The following KIF1A variants were observed in gnomAD, a reference collection of about 807,000 sequenced individuals.
KIF1A encodes the protein kinesin-like protein KIF1A.
In KIF1A, 46 loss-of-function variants were observed where a neutral mutation model predicts 227.3. The ratio of observed to expected loss-of-function variants is 0.20; its 90% CI spans 0.16 to 0.26. The LOEUF is 0.26. KIF1A is among the 10% of genes least tolerant of loss of function. The pLI, the probability that KIF1A is intolerant of heterozygous loss-of-function variation, is 1.00. For synonymous variants in KIF1A, 1,022 were observed against 1,012.8 expected (o/e 1.01, Z -0.17); for missense variants, 1,683 against 2,485.9 (o/e 0.68, Z 6.87).
At chr2:240,742,639 G>A (rs538181901) in intron 34 of KIF1A, among the ~76,000 whole-genome samples, 85 of 152,104 alleles carry the variant, frequency 5.6e-4, no homozygotes, top group Non-Finnish European at 9.9e-4. Flanking sequence ...ACCTCTCTGC[G>A]TTCAGCTGAG....
chr2:240,719,046 G>C lies in KIF1A; in HGVS notation c.5174C>G (p.Ala1725Gly). Residue 1725 changes from alanine to glycine, a missense_variant, in exon 47 of 49, where the codon GCC becomes GGC. Physicochemically the swap from Ala to Gly is moderately conservative, Grantham distance 60. Transcript: ENST00000498729. Reference sequence around the variant, plus strand: ...CTGGTCCTCACTGTACTCCACCTGGGCAGTGGCCAGGTTGAGCACGAACCG... The same window carrying C: ...CTGGTCCTCACTGTACTCCACCTGGCCAGTGGCCAGGTTGAGCACGAACCG... Reference protein sequence around the residue: ...VERFVLNLATAQVEYSEDQQA... With the variant: ...VERFVLNLATGQVEYSEDQQA... 6.2e-7 allele frequency: 1 copy of C among 1,612,214 alleles called. No individual in the cohort carries two copies. Among genetic ancestry groups the C allele is most frequent in the African/African-American group, 1.3e-5 (1 of 75,034 alleles).
Position 240,722,464 on chromosome 2 carries a change from C to T in KIF1A, c.4657G>A (p.Ala1553Thr). 1 of 1,546,336 alleles carries T rather than the reference C, an allele frequency of 6.5e-7. No homozygotes were observed. The highest frequency in any genetic ancestry group is 2.4e-5 in the East Asian group (1 of 40,992). Residue 1553 changes from alanine (A) to threonine (T), a missense_variant, in exon 43 of 49, where the codon GCC (alanine) becomes ACC (threonine). Ala to Thr is a moderately conservative substitution (Grantham distance 58). Coordinates refer to ENST00000498729, the MANE Select transcript of KIF1A (RefSeq NM_001244008.2). ...EAPNERQREL[A>T]VKCLRLLTHT... ...CCACCAGCTGGACCCACCTTGACGGCCAGCTCCCGCTGCCTCTCGTTGGGA... is the reference window on the plus strand; with the variant it reads ...CCACCAGCTGGACCCACCTTGACGGTCAGCTCCCGCTGCCTCTCGTTGGGA...
In KIF1A at chr2:240,792,958, G is replaced by A. The variant is rs1369976099; in HGVS notation, c.107-3646C>T. Among the ~76,000 whole-genome samples the A allele has an allele frequency of 6.6e-6, 1 of 152,204 alleles. No individual in the cohort carries two copies. Among genetic ancestry groups the A allele is most frequent in the Non-Finnish European group, 1.5e-5 (1 of 68,042 alleles). The stretch of plus-strand genomic sequence containing the variant: ...CTTCCGCCTCCAGACTGCGGAGAAG[G>A]GAACATATGCTGTTTAAGACGCCCA... On this transcript the variant is annotated intron_variant, in intron 2 of 48. Transcript: ENST00000498729. The surrounding 1 kb of genome is among the most constrained non-coding windows in gnomAD (Gnocchi z 4.5).
At chr2:240,747,201 C>T in intron 29 of KIF1A, 35 bp downstream of exon 29, 1 of 1,546,932 alleles carries the variant, frequency 6.5e-7, no homozygotes, top group East Asian at 2.2e-5. Flanking sequence ...GCGCCAGGCA[C>T]CTCCAGGTCT....
In KIF1A at chr2:240,752,134, C is replaced by T. The variant is rs1386927121; in HGVS notation, c.2859-1587G>A. 1.3e-5 allele frequency among the ~76,000 whole-genome samples: 2 copies of T among 151,842 alleles called. No individual in the cohort carries two copies. Among genetic ancestry groups the T allele is most frequent in the African/African-American group, 4.8e-5 (2 of 41,332 alleles). On this transcript the variant is annotated intron_variant, in intron 27 of 48. Coordinates refer to ENST00000498729, the MANE Select transcript of KIF1A (RefSeq NM_001244008.2). The surrounding 1 kb of genome is among the most constrained non-coding windows in gnomAD (Gnocchi z 6.4). ...GGAAGCCCCTGGTGGCTTTTTGGGC[C>T]CTCTCCCCAGCACAACGCCCCCTCT... is the stretch of plus-strand genomic sequence containing the variant.
intron 47 of KIF1A, 111 bp downstream of exon 47, chr2:240,718,895 G>A (rs952490090): frequency 1.6e-5 from 14 of 851,252 alleles, no homozygotes; most frequent in Middle Eastern, 3.5e-4. Context: ...GACGGAGTCT[G>A]GGGTGAGCAG....
At chr2:240,783,305 G>A (rs1420977330) in intron 8 of KIF1A, among the ~76,000 whole-genome samples, 196 bp from the exon 9 acceptor site, 1 of 152,178 alleles carries the variant, frequency 6.6e-6, no homozygotes, top group Non-Finnish European at 1.5e-5. Flanking sequence ...ATGTCCCCCA[G>A]TGTTGCCCTC....
At chr2:240,783,143 T>TG in intron 8 of KIF1A, 34 bp from the exon 9 acceptor site, 1 of 1,516,542 alleles carries the variant, frequency 6.6e-7, no homozygotes, top group South Asian at 1.1e-5. Flanking sequence ...GTTGGGATGC[T>TG]GGGGACCCGT....
intron 7 of KIF1A, among the ~76,000 whole-genome samples, chr2:240,784,097 G>A (rs1175893455): frequency 7.2e-5 from 11 of 152,326 alleles, no homozygotes; most frequent in African/African-American, 1.7e-4. Context: ...ACACAAGGGC[G>A]TACTCGCTCC....
chr2:240,723,915 A>G (rs1575522479), intron 41 of KIF1A, 60 bp downstream of exon 41: 1 of 1,395,596 alleles, frequency 7.2e-7, no homozygotes, highest in African/African-American at 1.4e-5. Flanking sequence ...TGGTCACCCC[A>G]AGTGGGCAGA....
intron 47 of KIF1A, among the ~76,000 whole-genome samples, chr2:240,718,666 C>T (rs2044867276): frequency 6.6e-6 from 1 of 152,226 alleles, no homozygotes; most frequent in African/African-American, 2.4e-5. Context: ...CTGTGGCTCG[C>T]CCATTCCTGC....
chr2:240,783,742 G>T lies in KIF1A; in HGVS notation c.795C>A (p.Leu265=). ...ADSTGAKGTR[L]KEGANINKSL... The stretch of plus-strand genomic sequence containing the variant: ...CGCATGGCGGCCTGGCCCCTACCTT[G>T]AGGCGCGTGCCCTTGGCTCCCGTGG... Residue 265 remains leucine, a synonymous_variant, in exon 8 of 49, where the codon CTC becomes CTA. Coordinates refer to ENST00000498729, the MANE Select transcript of KIF1A (RefSeq NM_001244008.2). The T allele has an allele frequency of 6.4e-7, 1 of 1,570,758 alleles. No homozygotes were observed. Among genetic ancestry groups the T allele is most frequent in the Non-Finnish European group, 8.6e-7 (1 of 1,157,918 alleles).
In KIF1A at chr2:240,757,883, G is replaced by A. The variant is rs896257615; in HGVS notation, c.2583-289C>T. ...GTGGCTGAGGCCATATGAGGACCTCGAGAGTTTGGCCACGTTGAGGCCTCA... is the reference window on the plus strand; with the variant it reads ...GTGGCTGAGGCCATATGAGGACCTCAAGAGTTTGGCCACGTTGAGGCCTCA... On this transcript the variant is annotated intron_variant, in intron 26 of 48. Coordinates refer to ENST00000498729, the MANE Select transcript of KIF1A (RefSeq NM_001244008.2). This position sits in a 1 kb window ranked among gnomAD's most constrained non-coding sequence, Gnocchi z 6.2. 6.6e-6 allele frequency among the ~76,000 whole-genome samples: 1 copy of A among 152,208 alleles called. No homozygotes were observed. The highest frequency in any genetic ancestry group is 6.5e-5 in the Admixed American group (1 of 15,286).
At chr2:240,721,215 C>T (rs1324277225) in intron 44 of KIF1A, among the ~76,000 whole-genome samples, 177 bp from the exon 45 acceptor site, 1 of 152,170 alleles carries the variant, frequency 6.6e-6, no homozygotes, top group Admixed American at 6.5e-5. Context: ...CCTCCAGCCC[C>T]TGTGGCCCCT....
At chr2:240,777,541 G>A (rs760392955) in intron 10 of KIF1A, among the ~76,000 whole-genome samples, 14 of 152,034 alleles carry the variant, frequency 9.2e-5, no homozygotes, top group Admixed American at 1.3e-4. Flanking sequence ...CCGCTCTCCC[G>A]TCTAGGCCCC....
intron 15 of KIF1A, among the ~76,000 whole-genome samples, chr2:240,770,278 C>T (rs543856639): frequency 6.6e-6 from 1 of 152,344 alleles, no homozygotes; most frequent in African/African-American, 2.4e-5. Flanking sequence ...GTCTAGAAAC[C>T]TAAAATGATC....
At chr2:240,798,671 C>T (rs369783731) in intron 1 of KIF1A, among the ~76,000 whole-genome samples, 64 of 152,320 alleles carry the variant, frequency 4.2e-4, no homozygotes, top group Non-Finnish European at 6.6e-4. Context: ...AAAACAGTGA[C>T]GAAGCAGCCA....
chr2:240,771,630 C>T (rs1259334407), intron 14 of KIF1A, among the ~76,000 whole-genome samples: 1 of 152,166 alleles, frequency 6.6e-6, no homozygotes, highest in Non-Finnish European at 1.5e-5. Context: ...CCCGTGCAGA[C>T]CCCCACGCTT....
rs563258341 is a variant in KIF1A, at chr2:240,778,064, C to T, written c.883-2138G>A. ...CACCACACAGTTCCTCAGCTCCTCC[C>T]GCTCCCCACGCACTTCCTCGCGTTT... On this transcript the variant is annotated intron_variant, in intron 10 of 48. Coordinates refer to ENST00000498729, the MANE Select transcript of KIF1A (RefSeq NM_001244008.2). This position sits in a 1 kb window ranked among gnomAD's most constrained non-coding sequence, Gnocchi z 7.2. 1.6e-4 allele frequency among the ~76,000 whole-genome samples: 24 copies of T among 152,232 alleles called. No individual in the cohort carries two copies. Among genetic ancestry groups the T allele is most frequent in the Admixed American group, 1.0e-3 (16 of 15,300 alleles).
Sources: allele counts gnomAD v4.1 joint callset (sites outside exome capture counted in the v4.1 genomes callset), GRCh38; gene constraint gnomAD v4.1.1; non-coding constraint Gnocchi (gnomAD v3.1); transcripts MANE v1.5; gene names NCBI Gene and HGNC (gene_info 2026-07-23, HGNC 2026-07-21).